Variants in RAD52 observed in about 807,000 individuals in gnomAD.
RAD52 encodes DNA repair protein RAD52 homolog.
RAD52 carries 47 observed loss-of-function variants against 55.5 expected under a neutral mutation model. The ratio of observed to expected loss-of-function variants is 0.85; its 90% CI spans 0.67 to 1.08. RAD52 has a LOEUF of 1.08. RAD52 is among the 50% of genes least tolerant of loss of function. RAD52 has a pLI of 0.00. For synonymous variants in RAD52, 184 were observed against 198.9 expected (o/e 0.92, Z 0.63); for missense variants, 468 against 522.8 (o/e 0.90, Z 1.02).
At chr12:914,362 C>T in intron 10 of RAD52, 69 bp downstream of exon 10, 1 of 1,589,238 alleles carries the variant, frequency 6.3e-7, no homozygotes, top group Non-Finnish European at 8.5e-7. Flanking sequence ...TTTTATGTCG[C>T]CTAAAAGGTA....
At chr12:933,244 G>C (rs1211942562) in intron 1 of RAD52, among the ~76,000 whole-genome samples, 168 bp from the exon 2 acceptor site, 2 of 152,046 alleles carry the variant, frequency 1.3e-5, no homozygotes, top group African/African-American at 4.8e-5. Context: ...GGATCACAAG[G>C]TCAGGAGATG....
chr12:990,544 CCG>C (rs1166563815), upstream of RAD52: 1 of 152,274 alleles, frequency 6.6e-6, no homozygotes, highest in African/African-American at 2.4e-5. Flanking sequence ...CCCACGCTCC[CCG>C]CGTCCTGGCG....
At chr12:935,874 A>AAATAAATAAATAAATAAATAAATT (rs1957594438) in intron 1 of RAD52, among the ~76,000 whole-genome samples, 2 of 148,356 alleles carry the variant, frequency 1.3e-5, no homozygotes, top group African/African-American at 5.0e-5. Flanking sequence ...ATAAATAAAT[A>AAATAAATAAATAAATAAATAAATT]AATAAATAAA....
intron 1 of RAD52, among the ~76,000 whole-genome samples, chr12:984,498 C>T (rs1331382853): frequency 6.6e-6 from 1 of 151,870 alleles, no homozygotes; most frequent in Non-Finnish European, 1.5e-5. Context: ...CCGTGCCTGG[C>T]CCTGTCTCTA....
intron 1 of RAD52, among the ~76,000 whole-genome samples, chr12:964,712 G>A (rs1958734026): frequency 6.6e-6 from 1 of 151,938 alleles, no homozygotes; most frequent in Non-Finnish European, 1.5e-5. Context: ...CCAAAAAGCT[G>A]GAACCACAGG....
intron 1 of RAD52, among the ~76,000 whole-genome samples, chr12:960,278 T>C (rs139781217): frequency 3.7e-4 from 56 of 152,234 alleles, no homozygotes; most frequent in Middle Eastern, 3.4e-3. Flanking sequence ...ATAACAGATA[T>C]GGAAAATGTG....
In RAD52 at chr12:912,752, A is replaced by AAAAC. The variant is rs1956166414; in HGVS notation, c.*638_*639insGTTT. ...AAAAAAAAAAAAAAAAAAACAAAAA[A>AAAAC]CAGCCTTTTTTCGTGGTCTTAGATG... On this transcript the variant is annotated 3_prime_UTR_variant, in exon 12 of 12. Transcript: ENST00000358495. 1.2e-5 allele frequency: 2 copies of AAAAC among 171,414 alleles called. No individual in the cohort carries two copies. The highest frequency in any genetic ancestry group is 6.5e-5 in the Admixed American group (1 of 15,434). The allele number at this position is 171,414 out of a possible 1,614,324, so 10.6% of individuals were successfully genotyped here.
rs570572526 is a variant in RAD52, at chr12:919,579, G to A, written c.544-2759C>T. ...AGCCTGGCCAACACAGCAAAACCCC[G>A]CTCTACTAAAAAATACGAAACATTA... On this transcript the variant is annotated intron_variant, in intron 7 of 11. Coordinates refer to ENST00000358495, the MANE Select transcript of RAD52 (RefSeq NM_134424.4). Among the ~76,000 whole-genome samples, 45 of 151,570 alleles carry A rather than the reference G, an allele frequency of 3.0e-4. No homozygotes were observed. In the South Asian group the frequency reaches 8.1e-3, roughly 27 times the overall value.
chr12:930,567 A>T (rs1178410600), intron 3 of RAD52, among the ~76,000 whole-genome samples: 1 of 152,206 alleles, frequency 6.6e-6, no homozygotes, highest in Non-Finnish European at 1.5e-5. Context: ...CACAGAAGTT[A>T]AAATTAGAAG....
chr12:943,273 C>G (rs1280196744), intron 1 of RAD52, among the ~76,000 whole-genome samples: 1 of 152,142 alleles, frequency 6.6e-6, no homozygotes, highest in Non-Finnish European at 1.5e-5. Flanking sequence ...TCATGAAAAC[C>G]AAAGGCCGAC....
intron 1 of RAD52, among the ~76,000 whole-genome samples, chr12:983,926 C>A (rs116091734): frequency 0.04 from 6,060 of 152,226 alleles, 139 homozygotes; most frequent in Middle Eastern, 0.075. Context: ...GAGGAATATA[C>A]TTCAGTCTTT....
chr12:914,454 G>A lies in RAD52; in HGVS notation c.944C>T (p.Ala315Val). 6.2e-7 allele frequency: 1 copy of A among 1,613,904 alleles called. No individual in the cohort carries two copies. The highest frequency in any genetic ancestry group is 8.5e-7 in the Non-Finnish European group (1 of 1,179,906). Residue 315 changes from alanine to valine, a missense_variant, in exon 10 of 12, where the codon GCA becomes GTA. Transcript: ENST00000358495. ...ACTGATTAATTCTTGAGTCACTCCTGCAAGGAAGTCTTTCTCCAGGAGTGG... is the reference window on the plus strand; with the variant it reads ...ACTGATTAATTCTTGAGTCACTCCTACAAGGAAGTCTTTCTCCAGGAGTGG... ...SEPLLEKDFLAGVTQELIKTL... is the reference protein window; with the variant it reads ...SEPLLEKDFLVGVTQELIKTL...
At chr12:951,393 T>C (rs2154119971), upstream of RAD52, among the ~76,000 whole-genome samples, 1 of 152,358 alleles carries the variant, frequency 6.6e-6, no homozygotes, top group Non-Finnish European at 1.5e-5. Flanking sequence ...ATTACAGGTG[T>C]AAACCAGTGC....
chr12:929,111 C>T (rs1356109172), intron 5 of RAD52, among the ~76,000 whole-genome samples: 1 of 152,142 alleles, frequency 6.6e-6, no homozygotes, highest in African/African-American at 2.4e-5. Flanking sequence ...AGCAGTCCTT[C>T]CACCTGGGCC....
intron 1 of RAD52, among the ~76,000 whole-genome samples, chr12:948,123 G>A (rs890567603): frequency 1.3e-5 from 2 of 151,806 alleles, no homozygotes; most frequent in Non-Finnish European, 2.9e-5. Context: ...AAATAATTCA[G>A]TTATTTAAAA....
Position 912,401 on chromosome 12 carries a change from G to GA in RAD52, c.*989dup. 5.0e-6 allele frequency: 1 copy of GA among 201,894 alleles called. No individual in the cohort carries two copies. Among genetic ancestry groups the GA allele is most frequent in the Non-Finnish European group, 1.0e-5 (1 of 98,076 alleles). The allele number at this position is 201,894 out of a possible 1,614,324, so 12.5% of individuals were successfully genotyped here. ...AATTATGTGTATGAGGCATATACACGAAACACAGGTGAATTCCACGTTCAG... is the reference window on the plus strand; with the variant it reads ...AATTATGTGTATGAGGCATATACACGAAAACACAGGTGAATTCCACGTTCAG... On this transcript the variant is annotated 3_prime_UTR_variant, in exon 12 of 12. Transcript: ENST00000358495.
chr12:989,034 G>A (rs559263984), intron 1 of RAD52, among the ~76,000 whole-genome samples: 1 of 152,286 alleles, frequency 6.6e-6, no homozygotes, highest in South Asian at 2.1e-4. Flanking sequence ...TTTACTCTTA[G>A]GCCCTTCAAT....
At chr12:987,928 C>T (rs1174223017) in intron 1 of RAD52, among the ~76,000 whole-genome samples, 1 of 152,000 alleles carries the variant, frequency 6.6e-6, no homozygotes, top group Admixed American at 6.6e-5. Context: ...GTGCAGCTTC[C>T]TAAAGTGTTG....
chr12:913,549 C>A, intron 11 of RAD52, 97 bp from the exon 12 acceptor site: 3 of 1,009,330 alleles, frequency 3.0e-6, no homozygotes, highest in South Asian at 1.4e-5. Context: ...CTAATTTAGA[C>A]TAAGCCCAAG....
Sources: allele counts gnomAD v4.1 joint callset (sites outside exome capture counted in the v4.1 genomes callset), GRCh38; gene constraint gnomAD v4.1.1; transcripts MANE v1.5; gene names NCBI Gene and HGNC (gene_info 2026-07-23, HGNC 2026-07-21).